The following ADAMTS2 variants were observed in gnomAD, a reference collection of about 807,000 sequenced individuals.
ADAMTS2 encodes ADAM metallopeptidase with thrombospondin type 1 motif 2.
Under a neutral mutation model 123.0 loss-of-function variants are expected in ADAMTS2, and 50 were observed. The ratio of observed to expected loss-of-function variants is 0.41; its 90% CI spans 0.32 to 0.51. The LOEUF is 0.51. Ranked by LOEUF, ADAMTS2 falls within the 20% of genes least tolerant of loss-of-function variation. The pLI is 0.35. For synonymous variants in ADAMTS2, 678 were observed against 695.4 expected (o/e 0.98, Z 0.39); for missense variants, 1,494 against 1,705.2 (o/e 0.88, Z 2.18).
chr5:179,148,448 A>T (rs181530561), intron 10 of ADAMTS2, among the ~76,000 whole-genome samples: 1 of 152,246 alleles, frequency 6.6e-6, no homozygotes. Flanking sequence ...CGTTGCTTCA[A>T]TTGGGCCAAC....
intron 11 of ADAMTS2, among the ~76,000 whole-genome samples, chr5:179,139,680 G>A (rs1010576335): frequency 2.6e-5 from 4 of 152,300 alleles, no homozygotes; most frequent in African/African-American, 4.8e-5. Flanking sequence ...TGTGGGCCCC[G>A]GCCAGGGGAA....
chr5:179,113,653 A>C lies in ADAMTS2; in HGVS notation c.*214T>G. On this transcript the variant is annotated 3_prime_UTR_variant, in exon 22 of 22. Transcript: ENST00000251582. ...TCCACTGCACACCTGACGCCACCAC[A>C]GTATTTGGTCGCTCCTGGGCTGGGA... The C allele has an allele frequency of 1.7e-6, 1 of 597,466 alleles. No individual in the cohort carries two copies. The highest frequency in any genetic ancestry group is 3.0e-6 in the Non-Finnish European group (1 of 337,904). The allele number at this position is 597,466 out of a possible 1,614,324, so 37.0% of individuals were successfully genotyped here. A position where few individuals can be genotyped will look rare whatever the true frequency, so the allele number is the denominator to read the frequency against.
chr5:179,237,429 C>T (rs1034380457), intron 3 of ADAMTS2, among the ~76,000 whole-genome samples: 32 of 152,196 alleles, frequency 2.1e-4, no homozygotes, highest in African/African-American at 7.5e-4. Flanking sequence ...TCTTGGACTT[C>T]CCAGCCTCCA....
Position 179,234,644 on chromosome 5 carries a change from C to T in ADAMTS2, c.689-26929G>A, listed in dbSNP as rs1250822487. Among the ~76,000 whole-genome samples the T allele has an allele frequency of 1.3e-5, 2 of 152,132 alleles. No individual in the cohort carries two copies. Among genetic ancestry groups the T allele is most frequent in the Admixed American group, 6.5e-5 (1 of 15,278 alleles). On this transcript the variant is annotated intron_variant, in intron 3 of 21. Coordinates refer to ENST00000251582, the MANE Select transcript of ADAMTS2 (RefSeq NM_014244.5). This position sits in a 1 kb window ranked among gnomAD's most constrained non-coding sequence, Gnocchi z 4.7. ...CAAACAAACCTGTCACCTTTCCCTA[C>T]CCCAACCCATCAGCCATTGCTGCTG...
rs1765256294 is a variant in ADAMTS2, at chr5:179,225,372, T to C, written c.689-17657A>G. Among the ~76,000 whole-genome samples, 1 of 152,148 alleles carries C rather than the reference T, an allele frequency of 6.6e-6. No individual in the cohort carries two copies. The highest frequency in any genetic ancestry group is 2.4e-5 in the African/African-American group (1 of 41,408). On this transcript the variant is annotated intron_variant, in intron 3 of 21. Coordinates refer to ENST00000251582, the MANE Select transcript of ADAMTS2 (RefSeq NM_014244.5). This position sits in a 1 kb window ranked among gnomAD's most constrained non-coding sequence, Gnocchi z 4.5. The stretch of plus-strand genomic sequence containing the variant: ...AAGGGCATGCTCCCTTTAAATGATA[T>C]GGAAGCAGGGAAGTGCATGGTCCCT...
chr5:179,135,167 AGCTCCAGCTCCCG>A (rs1336114476), intron 13 of ADAMTS2, among the ~76,000 whole-genome samples: 1 of 129,522 alleles, frequency 7.7e-6, no homozygotes, highest in East Asian at 2.3e-4. Flanking sequence ...TCCCGACTCC[AGCTCCAGCTCCCG>A]GCTCCAGCCC....
chr5:179,277,254 G>A (rs1407780083), intron 2 of ADAMTS2, among the ~76,000 whole-genome samples: 1 of 152,054 alleles, frequency 6.6e-6, no homozygotes, highest in Non-Finnish European at 1.5e-5. Flanking sequence ...GTTGACCACC[G>A]TGCGATGCGC....
chr5:179,264,121 C>T (rs1474542769), intron 3 of ADAMTS2, among the ~76,000 whole-genome samples: 1 of 152,146 alleles, frequency 6.6e-6, no homozygotes, highest in Non-Finnish European at 1.5e-5. Context: ...CTTCAGATGT[C>T]CCTACAGCTG....
rs919262553 is a variant in ADAMTS2 at position 179,189,642 on chromosome 5, C to T, written c.892-8487G>A. ...AAAGTGCTGGGATTACAGGCGTGAGCCACCGCGCCCGGCCAGGAGCAATTT... is the reference window on the plus strand; with the variant it reads ...AAAGTGCTGGGATTACAGGCGTGAGTCACCGCGCCCGGCCAGGAGCAATTT... On this transcript the variant is annotated intron_variant, in intron 4 of 21. Coordinates refer to ENST00000251582, the MANE Select transcript of ADAMTS2 (RefSeq NM_014244.5). The surrounding 1 kb of genome is among the most constrained non-coding windows in gnomAD (Gnocchi z 4.2). Among the ~76,000 whole-genome samples the T allele has an allele frequency of 2.0e-5, 3 of 150,670 alleles. No individual in the cohort carries two copies. The highest frequency in any genetic ancestry group is 2.0e-4 in the Admixed American group (3 of 15,086).
chr5:179,277,311 A>G (rs1038443732), intron 2 of ADAMTS2, among the ~76,000 whole-genome samples: 1 of 124,310 alleles, frequency 8.0e-6, no homozygotes. Context: ...CCCCGAGACC[A>G]AAGGCTGACA....
rs112261587 is a variant in ADAMTS2 at position 179,255,323 on chromosome 5, C to T, written c.688+17588G>A. Among the ~76,000 whole-genome samples, 37 of 152,236 alleles carry T rather than the reference C, an allele frequency of 2.4e-4. 1 individual carries two copies. Among genetic ancestry groups the T allele is most frequent in the African/African-American group, 8.2e-4 (34 of 41,516 alleles). On this transcript the variant is annotated intron_variant, in intron 3 of 21. Coordinates refer to ENST00000251582, the MANE Select transcript of ADAMTS2 (RefSeq NM_014244.5). ...CATCCATGGCAAGTGAACCGGGTAA[C>T]AAAGTCAGAGGCAAGACCATAGCAG... is the stretch of plus-strand genomic sequence containing the variant.
chr5:179,207,364 A>G, intron 4 of ADAMTS2, 149 bp downstream of exon 4: 1 of 813,334 alleles, frequency 1.2e-6, no homozygotes, highest in Non-Finnish European at 2.0e-6. Context: ...GGGACCCAGC[A>G]AGCCTCCCTG....
At chr5:179,227,959 G>T (rs1765325289) in intron 3 of ADAMTS2, among the ~76,000 whole-genome samples, 1 of 152,110 alleles carries the variant, frequency 6.6e-6, no homozygotes, top group Non-Finnish European at 1.5e-5. Context: ...CAGAAAGTGG[G>T]GCCAGGGAGG....
rs1020257443 is a variant in ADAMTS2 at position 179,256,926 on chromosome 5, T to C, written c.688+15985A>G. 1.3e-5 allele frequency among the ~76,000 whole-genome samples: 2 copies of C among 152,354 alleles called. No individual in the cohort carries two copies. Among genetic ancestry groups the C allele is most frequent in the Middle Eastern group, 3.4e-3 (1 of 294 alleles). ...GCCTGGCTTTAGTCCAGCACCCCGA[T>C]GTACATACAGACGAGAAGACTGAGG... On this transcript the variant is annotated intron_variant, in intron 3 of 21. Transcript: ENST00000251582. This position sits in a 1 kb window ranked among gnomAD's most constrained non-coding sequence, Gnocchi z 4.1.
chr5:179,230,347 C>T (rs1765380121), intron 3 of ADAMTS2, among the ~76,000 whole-genome samples: 1 of 152,182 alleles, frequency 6.6e-6, no homozygotes, highest in Admixed American at 6.5e-5. Flanking sequence ...TGGCCCTGGG[C>T]ACTCACAGGG....
Position 179,123,012 on chromosome 5 carries a change from C to A in ADAMTS2, c.2959-239G>T, listed in dbSNP as rs1262614069. Among the ~76,000 whole-genome samples, 6 of 152,380 alleles carry A rather than the reference C, an allele frequency of 3.9e-5. No homozygotes were observed. The South Asian group carries it at 8.3e-4, about 21-fold the overall frequency. ...CTCTGAGCTGCTGTGAGACAGTGCC[C>A]ATATACAGACTGGCATAGGCCTGGC... On this transcript the variant is annotated intron_variant, in intron 19 of 21. Coordinates refer to ENST00000251582, the MANE Select transcript of ADAMTS2 (RefSeq NM_014244.5).
intron 10 of ADAMTS2, among the ~76,000 whole-genome samples, chr5:179,144,750 A>G (rs1290320455): frequency 6.6e-6 from 1 of 152,250 alleles, no homozygotes; most frequent in Non-Finnish European, 1.5e-5. Context: ...TAACTCAAAA[A>G]TGGATCACAG....
chr5:179,259,970 C>T (rs543318506), intron 3 of ADAMTS2, among the ~76,000 whole-genome samples: 1 of 152,328 alleles, frequency 6.6e-6, no homozygotes, highest in East Asian at 1.9e-4. Context: ...AACGCACAGT[C>T]CCTTGTTCAA....
chr5:179,318,878 C>T (rs534006768), intron 2 of ADAMTS2, among the ~76,000 whole-genome samples: 2 of 152,320 alleles, frequency 1.3e-5, no homozygotes, highest in East Asian at 1.9e-4. Flanking sequence ...CAGGCCTGGG[C>T]CACAAAGAGA....
Sources: gnomAD v4.1 joint callset for allele counts (sites outside exome capture counted in the v4.1 genomes callset) on GRCh38, gnomAD v4.1.1 for gene constraint, Gnocchi (gnomAD v3.1) non-coding constraint, MANE v1.5 for transcripts, NCBI Gene and HGNC (gene_info 2026-07-23, HGNC 2026-07-21) for gene names.